The following FNIP2 variants were observed in gnomAD, a reference collection of about 807,000 sequenced individuals.
FNIP2 encodes folliculin-interacting protein 2.
Under a neutral mutation model 108.7 loss-of-function variants are expected in FNIP2, and 32 were observed. That is an observed-to-expected ratio of 0.29 (90% CI 0.22 to 0.40). FNIP2 has a LOEUF of 0.40. Ranked by LOEUF, FNIP2 falls within the 10% of genes least tolerant of loss-of-function variation. FNIP2 has a pLI of 1.00. For synonymous variants in FNIP2, 480 were observed against 496.7 expected (o/e 0.97, Z 0.45); for missense variants, 1,202 against 1,381.6 (o/e 0.87, Z 2.06).
intron 3 of FNIP2, among the ~76,000 whole-genome samples, chr4:158,830,192 T>A (rs1170550556): frequency 6.6e-6 from 1 of 152,114 alleles, no homozygotes; most frequent in Non-Finnish European, 1.5e-5. Flanking sequence ...AGAAGTTGGT[T>A]TGAGCTATAA....
At chr4:158,896,369 T>A (rs970195956) in intron 16 of FNIP2, among the ~76,000 whole-genome samples, 1 of 152,148 alleles carries the variant, frequency 6.6e-6, no homozygotes, top group Non-Finnish European at 1.5e-5. Flanking sequence ...AGAGGAGACT[T>A]GTATGTTACT....
At position 158,861,667 on chromosome 4, in the gene FNIP2, C is replaced by G. The variant is rs1409319843; in HGVS notation, c.1356C>G (p.Val452=). ...LTYHLAWVPT[V]MPVDHPPIKA... ...ACCACCTGGCCTGGGTCCCAACTGT[C>G]ATGCCTGTGGATCACCCTCCCATCA... Residue 452 remains valine, a synonymous_variant, in exon 12 of 17, where the codon GTC becomes GTG. Coordinates refer to ENST00000264433, the MANE Select transcript of FNIP2 (RefSeq NM_020840.3). The G allele has an allele frequency of 6.2e-7, 1 of 1,614,050 alleles. No individual in the cohort carries two copies.
At chr4:158,886,651 C>T (rs1782041329) in intron 14 of FNIP2, among the ~76,000 whole-genome samples, 1 of 152,080 alleles carries the variant, frequency 6.6e-6, no homozygotes, top group Non-Finnish European at 1.5e-5. Flanking sequence ...GGACAGGAAA[C>T]GTATTTCAAA....
chr4:158,830,348 C>T (rs1005706517), intron 3 of FNIP2, among the ~76,000 whole-genome samples: 12 of 150,410 alleles, frequency 8.0e-5, no homozygotes, highest in African/African-American at 2.7e-4. Context: ...CTGCAAGCTC[C>T]GCTTCCCGGG....
intron 14 of FNIP2, among the ~76,000 whole-genome samples, chr4:158,880,083 G>C (rs759409449): frequency 1.3e-5 from 2 of 150,006 alleles, no homozygotes; most frequent in Admixed American, 1.3e-4. Context: ...CCCAGCCATC[G>C]CATTACTGGG....
intron 12 of FNIP2, among the ~76,000 whole-genome samples, chr4:158,866,280 G>C (rs906391536): frequency 7.3e-6 from 1 of 136,492 alleles, no homozygotes; most frequent in African/African-American, 2.8e-5. Flanking sequence ...GTGCGGTGGC[G>C]TGATCTCGGC....
At chr4:158,833,196 T>G (rs1778577970) in intron 5 of FNIP2, among the ~76,000 whole-genome samples, 1 of 152,170 alleles carries the variant, frequency 6.6e-6, no homozygotes, top group South Asian at 2.1e-4. Flanking sequence ...TAAAGCAAAA[T>G]GTAGAAATGA....
intron 16 of FNIP2, among the ~76,000 whole-genome samples, chr4:158,903,975 A>C (rs1472761049): frequency 6.6e-6 from 1 of 152,246 alleles, no homozygotes; most frequent in African/African-American, 2.4e-5. Context: ...TTAAATGCTC[A>C]GTGAGGATCC....
In FNIP2 at chr4:158,878,402, G is replaced by C. The variant is rs192678272; in HGVS notation, c.2949+7933G>C. Among the ~76,000 whole-genome samples the C allele has an allele frequency of 2.6e-5, 4 of 152,288 alleles. No individual in the cohort carries two copies. The East Asian group carries it at 5.8e-4, about 22-fold the overall frequency. ...AGTGAAGCAGCAAAGAAACAGGCTG[G>C]AAACAGGTTAGGGAAAATAAAGTCA... On this transcript the variant is annotated intron_variant, in intron 14 of 16. Transcript: ENST00000264433.
At chr4:158,826,270 G>A (rs756207395) in intron 2 of FNIP2, among the ~76,000 whole-genome samples, 1 of 152,200 alleles carries the variant, frequency 6.6e-6, no homozygotes, top group South Asian at 2.1e-4. Context: ...AGTAATCATG[G>A]CAGGAGCTAA....
At chr4:158,843,583 A>G (rs1779240735) in intron 7 of FNIP2, among the ~76,000 whole-genome samples, 1 of 152,226 alleles carries the variant, frequency 6.6e-6, no homozygotes, top group Non-Finnish European at 1.5e-5. Context: ...AAGAAAACTT[A>G]TGGAAGGCCT....
intron 1 of FNIP2, chr4:158,806,110 G>T: frequency 8.4e-7 from 1 of 1,186,562 alleles, no homozygotes; most frequent in Non-Finnish European, 1.1e-6. Flanking sequence ...CTCACATACT[G>T]TATAGGGAGT....
intron 7 of FNIP2, 54 bp downstream of exon 7, chr4:158,835,530 T>C: frequency 6.5e-7 from 1 of 1,533,366 alleles, no homozygotes; most frequent in East Asian, 2.3e-5. Context: ...TCTACAGTGG[T>C]GTGGAAGGTG....
chr4:158,794,428 C>T (rs572852517), intron 1 of FNIP2, among the ~76,000 whole-genome samples: 4 of 152,300 alleles, frequency 2.6e-5, no homozygotes, highest in African/African-American at 9.6e-5. Context: ...TCCCAAAGTA[C>T]TGGGATCACA....
chr4:158,845,178 C>T (rs966169336), intron 7 of FNIP2, among the ~76,000 whole-genome samples: 1 of 152,140 alleles, frequency 6.6e-6, no homozygotes, highest in African/African-American at 2.4e-5. Flanking sequence ...TATTAAGGAA[C>T]ATTTAGATAT....
chr4:158,851,395 C>T lies in FNIP2; in HGVS notation c.802C>T (p.Arg268Cys), dbSNP rs746317216. 3.1e-6 allele frequency: 5 copies of T among 1,613,962 alleles called. No individual in the cohort carries two copies. The highest frequency in any genetic ancestry group is 1.1e-5 in the South Asian group (1 of 91,082). ...TACATCTTCTTCCAGCAGTTACCAGCGCCGCTGGCTTCGAAGTCAGACAAC... is the reference window on the plus strand; with the variant it reads ...TACATCTTCTTCCAGCAGTTACCAGTGCCGCTGGCTTCGAAGTCAGACAAC... ...SSTSSSSSYQRRWLRSQTTSL... is the reference protein window; with the variant it reads ...SSTSSSSSYQCRWLRSQTTSL... Residue 268 changes from arginine (R) to cysteine (C), a missense_variant, in exon 8 of 17, where the codon CGC becomes TGC. Physicochemically the swap from Arg to Cys is radical, Grantham distance 180. This residue lies in a region of FNIP2 where 878 missense variants were observed against 990.3 expected (regional missense o/e 0.89). Transcript: ENST00000264433.
In FNIP2 at chr4:158,859,211, C is replaced by T; in HGVS notation, c.1012C>T (p.Pro338Ser). ...CCAGGACTTCTTCTTTTCTCATTTTCCCCTGTTTGAATCTCACATGAACAG... is the reference window on the plus strand; with the variant it reads ...CCAGGACTTCTTCTTTTCTCATTTTTCCCTGTTTGAATCTCACATGAACAG... ...NFQDFFFSHFPLFESHMNRLK... is the reference protein window; with the variant it reads ...NFQDFFFSHFSLFESHMNRLK... Residue 338 changes from proline to serine, a missense_variant, in exon 9 of 17, where the codon CCC (proline) becomes TCC (serine). Pro to Ser is a moderately conservative substitution (Grantham distance 74, BLOSUM62 -1). Transcript: ENST00000264433. 6.2e-7 allele frequency: 1 copy of T among 1,612,222 alleles called. No homozygotes were observed.
intron 14 of FNIP2, among the ~76,000 whole-genome samples, chr4:158,886,326 CTGTCCACCTTAACAAT>C (rs1460749406): frequency 6.6e-6 from 1 of 152,226 alleles, no homozygotes; most frequent in Non-Finnish European, 1.5e-5. Context: ...TGGAGACTGG[CTGTCCACCTTAACAAT>C]TGTCTGCAGC....
intron 1 of FNIP2, chr4:158,806,524 C>T: frequency 1.2e-6 from 1 of 826,974 alleles, no homozygotes; most frequent in Non-Finnish European, 1.7e-6. Flanking sequence ...TGTTGTTTCT[C>T]ATAAGTGCTT....
Sources: gnomAD v4.1 joint callset for allele counts (sites outside exome capture counted in the v4.1 genomes callset) on GRCh38, gnomAD v4.1.1 for gene constraint, gnomAD v4.1.1 regional missense constraint, MANE v1.5 for transcripts, NCBI Gene and HGNC (gene_info 2026-07-23, HGNC 2026-07-21) for gene names.